RAP1GAP2: variants seen among roughly 807,000 people sequenced by gnomAD.
RAP1GAP2 encodes the protein RAP1 GTPase activating protein 2.
RAP1GAP2 carries 27 observed loss-of-function variants against 95.0 expected under a neutral mutation model. The ratio of observed to expected loss-of-function variants is 0.28; its 90% CI spans 0.21 to 0.39. The LOEUF (loss-of-function observed/expected upper bound fraction) is 0.39, where lower values mean the gene tolerates loss of function less well. Ranked by LOEUF, RAP1GAP2 falls within the 10% of genes least tolerant of loss-of-function variation. RAP1GAP2 has a pLI of 1.00. For missense variants in RAP1GAP2, 771 were observed against 970.0 expected, an observed-to-expected ratio of 0.79 and a Z score of 2.72; for synonymous variants, 373 against 380.9, an observed-to-expected ratio of 0.98 and a Z score of 0.24.
intron 2 of RAP1GAP2, among the ~76,000 whole-genome samples, chr17:2,876,766 G>A (rs2073113391): frequency 6.6e-6 from 1 of 152,066 alleles, no homozygotes; most frequent in Non-Finnish European, 1.5e-5. Context: ...AGGCATGTCC[G>A]ACCACCCCTT....
intron 1 of RAP1GAP2, among the ~76,000 whole-genome samples, chr17:2,756,684 T>C (rs148610109): frequency 6.6e-6 from 1 of 152,268 alleles, no homozygotes; most frequent in East Asian, 1.9e-4. Context: ...TGAAGGTACA[T>C]TCTGTAGCCT....
chr17:2,839,268 C>T (rs1452976892), intron 2 of RAP1GAP2, among the ~76,000 whole-genome samples: 1 of 151,814 alleles, frequency 6.6e-6, no homozygotes, highest in African/African-American at 2.4e-5. Flanking sequence ...CGAGGTCACG[C>T]CACTGCACTC....
At chr17:2,969,448 C>CAA (rs1555581970) in intron 8 of RAP1GAP2, among the ~76,000 whole-genome samples, 2 of 145,454 alleles carry the variant, frequency 1.4e-5, no homozygotes, top group Admixed American at 7.0e-5. Flanking sequence ...CACACACACA[C>CAA]AATAAATAAA....
chr17:2,922,378 G>A (rs926984752), intron 3 of RAP1GAP2, among the ~76,000 whole-genome samples: 15 of 152,332 alleles, frequency 9.8e-5, no homozygotes, highest in East Asian at 7.7e-4. Flanking sequence ...CATGGGTAAA[G>A]ACCCTTTTTC....
chr17:2,816,283 A>G (rs1484627728), intron 2 of RAP1GAP2, among the ~76,000 whole-genome samples: 1 of 150,172 alleles, frequency 6.7e-6, no homozygotes, highest in East Asian at 1.9e-4. Flanking sequence ...CTGAGTACTC[A>G]TGACTCAGAA....
chr17:2,761,577 C>T (rs1473514835), intron 1 of RAP1GAP2, among the ~76,000 whole-genome samples: 4 of 151,732 alleles, frequency 2.6e-5, no homozygotes, highest in African/African-American at 7.3e-5. Context: ...TGTGAGGCAC[C>T]GCACCCGGCC....
At position 3,001,709 on chromosome 17, in the gene RAP1GAP2, A is replaced by C. The variant is rs1296121867; in HGVS notation, c.1200+3333A>C. 2.0e-5 allele frequency among the ~76,000 whole-genome samples: 3 copies of C among 152,358 alleles called. No homozygotes were observed. In the East Asian group the frequency reaches 5.8e-4, roughly 29 times the overall value. On this transcript the variant is annotated intron_variant, in intron 14 of 24. Coordinates refer to ENST00000254695, the MANE Select transcript of RAP1GAP2 (RefSeq NM_015085.5). ...TCTTTTAATAGACAGTTGAAGAGGA[A>C]GAACTACTGGGAAGGATCCTTGGAA...
chr17:2,935,994 A>T (rs1218200832), intron 3 of RAP1GAP2, among the ~76,000 whole-genome samples: 1 of 151,868 alleles, frequency 6.6e-6, no homozygotes, highest in South Asian at 2.1e-4. Flanking sequence ...GAGAGAAGAG[A>T]GGTCTCATTT....
At chr17:2,916,606 C>T (rs539297380) in intron 3 of RAP1GAP2, among the ~76,000 whole-genome samples, 17 of 152,280 alleles carry the variant, frequency 1.1e-4, no homozygotes, top group African/African-American at 3.6e-4. Context: ...GCTTCATCTC[C>T]GTGACCTCCA....
rs767022970 is a variant in RAP1GAP2 at position 2,963,942 on chromosome 17, C to T, written c.366C>T (p.Thr122=). The T allele has an allele frequency of 1.2e-6, 2 of 1,613,208 alleles. No individual in the cohort carries two copies. Among genetic ancestry groups the T allele is most frequent in the African/African-American group, 1.3e-5 (1 of 74,926 alleles). ...TCGAGGACCCGGAGAACGTGGGCAC[C>T]CCAACATCGCTGGGGAGCAGCATCT... ...YWIEDPENVG[T]PTSLGSSICE... The change falls in exon 7 of 25, where the codon ACC becomes ACT. Residue 122 remains threonine (T), a synonymous_variant. Coordinates refer to ENST00000254695, the MANE Select transcript of RAP1GAP2 (RefSeq NM_015085.5). The surrounding 1 kb of genome is among the most constrained non-coding windows in gnomAD (Gnocchi z 4.8).
intron 1 of RAP1GAP2, among the ~76,000 whole-genome samples, chr17:2,764,127 TA>T (rs2068234637): frequency 6.6e-6 from 1 of 152,118 alleles, no homozygotes; most frequent in Non-Finnish European, 1.5e-5. Context: ...AAAAGGTATT[TA>T]CCTTTTAAAA....
At chr17:2,990,076 C>G (rs1042448285) in intron 11 of RAP1GAP2, among the ~76,000 whole-genome samples, 3 of 152,188 alleles carry the variant, frequency 2.0e-5, no homozygotes, top group Non-Finnish European at 2.9e-5. Context: ...GCACGTTGTT[C>G]CTTGTTCATG....
intron 2 of RAP1GAP2, among the ~76,000 whole-genome samples, chr17:2,890,477 T>A (rs1215213357): frequency 6.6e-6 from 1 of 151,762 alleles, no homozygotes; most frequent in Non-Finnish European, 1.5e-5. Context: ...CGGTTGGCTC[T>A]GTGATAGGGA....
At chr17:2,960,139 A>AAAAAAAAAC (rs1293694663) in intron 4 of RAP1GAP2, among the ~76,000 whole-genome samples, 1 of 151,392 alleles carries the variant, frequency 6.6e-6, no homozygotes, top group African/African-American at 2.4e-5. Context: ...AAAAAAAAAA[A>AAAAAAAAAC]AACAACAAAA....
At position 2,871,646 on chromosome 17, in the gene RAP1GAP2, A is replaced by G. The variant is rs1567727579; in HGVS notation, c.81-33638A>G. Among the ~76,000 whole-genome samples the G allele has an allele frequency of 6.6e-6, 1 of 152,110 alleles. No homozygotes were observed. Among genetic ancestry groups the G allele is most frequent in the East Asian group, 1.9e-4 (1 of 5,178 alleles). ...GTGTTGGGTGAGCACGTGGACCCTC[A>G]CCTTCATGCTGATTTCATTGGGGTT... On this transcript the variant is annotated intron_variant, in intron 2 of 24. Transcript: ENST00000254695. This position sits in a 1 kb window ranked among gnomAD's most constrained non-coding sequence, Gnocchi z 5.0.
rs372912230 is a variant in RAP1GAP2 at position 3,008,015 on chromosome 17, G to A, written c.1364G>A (p.Arg455Gln). The A allele has an allele frequency of 2.5e-6, 4 of 1,613,616 alleles. No individual in the cohort carries two copies. The highest frequency in any genetic ancestry group is 1.3e-5 in the African/African-American group (1 of 74,896). Residue 455 changes from arginine to glutamine, a missense_variant, in exon 17 of 25, where the codon CGG becomes CAG. Arg to Gln is a conservative substitution (Grantham distance 43). Transcript: ENST00000254695. The surrounding 1 kb of genome is among the most constrained non-coding windows in gnomAD (Gnocchi z 4.2). ...CCCCACCCTCTTCCCTTCTAGGACC[G>A]GACCAGGGCTGCCCTCCTGGACAAC... The part of the protein sequence containing the change: ...KSDKFAKLED[R>Q]TRAALLDNLH...
chr17:2,874,571 G>T (rs1439068163), intron 2 of RAP1GAP2, among the ~76,000 whole-genome samples: 1 of 152,168 alleles, frequency 6.6e-6, no homozygotes, highest in Non-Finnish European at 1.5e-5. Context: ...GGAGAAAGAG[G>T]TGGAAAAGGG....
chr17:3,011,617 T>G (rs2046548958), intron 17 of RAP1GAP2, among the ~76,000 whole-genome samples: 1 of 149,064 alleles, frequency 6.7e-6, no homozygotes, highest in Admixed American at 6.7e-5. Flanking sequence ...AAGTTTTTTT[T>G]TTTTTTTTTT....
At chr17:2,925,832 C>G (rs576600976) in intron 3 of RAP1GAP2, among the ~76,000 whole-genome samples, 4 of 152,210 alleles carry the variant, frequency 2.6e-5, no homozygotes, top group African/African-American at 9.6e-5. Flanking sequence ...CAGCGTGGGT[C>G]CGGGCCGGGT....
Sources: allele counts gnomAD v4.1 joint callset (sites outside exome capture counted in the v4.1 genomes callset), GRCh38; gene constraint gnomAD v4.1.1; non-coding constraint Gnocchi (gnomAD v3.1); transcripts MANE v1.5; gene names NCBI Gene and HGNC (gene_info 2026-07-23, HGNC 2026-07-21).